PDLIM5: variants seen among roughly 807,000 people sequenced by gnomAD.
The protein encoded by PDLIM5 is PDZ and LIM domain 5.
In PDLIM5, 34 loss-of-function variants were observed where a neutral mutation model predicts 64.2. The ratio of observed to expected loss-of-function variants is 0.53; its 90% CI spans 0.40 to 0.71. The LOEUF is 0.71. Ranked by LOEUF, PDLIM5 falls within the 30% of genes least tolerant of loss-of-function variation. The probability of loss-of-function intolerance (pLI) is 0.00; values close to 1 mark genes in which losing one functional copy is unlikely to be tolerated. For synonymous variants in PDLIM5, 253 were observed against 269.1 expected (o/e 0.94, Z 0.59); for missense variants, 683 against 733.6 (o/e 0.93, Z 0.80).
At chr4:94,523,592 T>G in intron 2 of PDLIM5, 132 bp from the exon 3 acceptor site, 1 of 526,862 alleles carries the variant, frequency 1.9e-6, no homozygotes, top group Non-Finnish European at 3.3e-6. Context: ...CTGTACATGT[T>G]AAACAAGACA....
At chr4:94,609,931 T>C (rs1405165907) in intron 7 of PDLIM5, among the ~76,000 whole-genome samples, 2 of 152,188 alleles carry the variant, frequency 1.3e-5, no homozygotes, top group African/African-American at 4.8e-5. Flanking sequence ...TTGAAGAGTA[T>C]TCGTATGTCC....
chr4:94,550,953 GA>G (rs1442197439), intron 3 of PDLIM5, among the ~76,000 whole-genome samples: 1 of 151,850 alleles, frequency 6.6e-6, no homozygotes, highest in African/African-American at 2.4e-5. Flanking sequence ...AAGAGAATAG[GA>G]AAAATGCTAA....
At position 94,546,922 on chromosome 4, in the gene PDLIM5, T is replaced by TG. The variant is rs572864100; in HGVS notation, c.248+23048dup. Reference sequence around the variant, plus strand: ...ATTTTGTGGTTATATTAATTAACATTGTAACATCTAGGTTTTACACTTAAC... The same window carrying TG: ...ATTTTGTGGTTATATTAATTAACATTGGTAACATCTAGGTTTTACACTTAAC... On this transcript the variant is annotated intron_variant, in intron 3 of 12. Transcript: ENST00000317968. Among the ~76,000 whole-genome samples the TG allele has an allele frequency of 3.0e-3, 452 of 152,152 alleles. 2 individuals are homozygous for TG. Among genetic ancestry groups the TG allele is most frequent in the South Asian group, 0.011 (54 of 4,826 alleles).
rs142354942 is a variant in PDLIM5 at position 94,640,606 on chromosome 4, T to C, written c.1283+156T>C. Among the ~76,000 whole-genome samples the C allele has an allele frequency of 5.4e-3, 814 of 152,040 alleles. 7 individuals are homozygous for C. Among genetic ancestry groups the C allele is most frequent in the African/African-American group, 0.018 (767 of 41,460 alleles). On this transcript the variant is annotated intron_variant, in intron 9 of 12. Transcript: ENST00000317968. ...ATTATTGAGTAAATACGAATATCTA[T>C]CTATGAGAATCTATTTTAATGAAAG...
chr4:94,556,230 T>C (rs1434149978), intron 3 of PDLIM5, among the ~76,000 whole-genome samples: 2 of 152,160 alleles, frequency 1.3e-5, no homozygotes, highest in African/African-American at 2.4e-5. Flanking sequence ...ACAAAGGACA[T>C]GAGCTCATCC....
chr4:94,646,358 G>A (rs1484524464), intron 9 of PDLIM5, among the ~76,000 whole-genome samples: 1 of 152,202 alleles, frequency 6.6e-6, no homozygotes, highest in Non-Finnish European at 1.5e-5. Context: ...GGAAGACCAT[G>A]TGAAGACACA....
At chr4:94,543,187 T>C (rs1453457091) in intron 3 of PDLIM5, among the ~76,000 whole-genome samples, 2 of 152,208 alleles carry the variant, frequency 1.3e-5, no homozygotes, top group Non-Finnish European at 2.9e-5. Context: ...TCTCTCCCAG[T>C]TCTGGAGGCA....
intron 1 of PDLIM5, among the ~76,000 whole-genome samples, chr4:94,455,010 TAC>T (rs1281826604): frequency 7.9e-5 from 12 of 152,228 alleles, no homozygotes; most frequent in African/African-American, 2.7e-4. Flanking sequence ...TTGTGAAACA[TAC>T]TAAGTGTCTA....
Position 94,529,763 on chromosome 4 carries a change from CAT to C in PDLIM5, c.248+5891_248+5892del, listed in dbSNP as rs1730693082. Among the ~76,000 whole-genome samples, 5 of 152,134 alleles carry C rather than the reference CAT, an allele frequency of 3.3e-5. No individual in the cohort carries two copies. The South Asian group carries it at 1.0e-3, about 32-fold the overall frequency. On this transcript the variant is annotated intron_variant, in intron 3 of 12. Coordinates refer to ENST00000317968, the MANE Select transcript of PDLIM5 (RefSeq NM_006457.5). ...TTATCGTTGAAAAAATTGGAAAAAACATATTTTTTTCCTGGCCGTGAAACTAA... is the reference window on the plus strand; with the variant it reads ...TTATCGTTGAAAAAATTGGAAAAAACATTTTTTTCCTGGCCGTGAAACTAA...
Position 94,541,776 on chromosome 4 carries a change from G to A in PDLIM5, c.248+17901G>A, listed in dbSNP as rs187376110. ...GAGGACACAGCTTCTGTCATCCAGC[G>A]CCTCCCCTGGGAGTCTCTTTACTGA... On this transcript the variant is annotated intron_variant, in intron 3 of 12. Transcript: ENST00000317968. Among the ~76,000 whole-genome samples, 256 of 152,264 alleles carry A rather than the reference G, an allele frequency of 1.7e-3. 1 individual carries two copies. Among genetic ancestry groups the A allele is most frequent in the African/African-American group, 6.0e-3 (249 of 41,548 alleles).
chr4:94,658,596 G>T (rs1345114452), intron 11 of PDLIM5, among the ~76,000 whole-genome samples: 1 of 152,188 alleles, frequency 6.6e-6, no homozygotes, highest in African/African-American at 2.4e-5. Flanking sequence ...ATAGAAGGAG[G>T]TATTCCAAAA....
At chr4:94,536,830 T>C (rs923052977) in intron 3 of PDLIM5, among the ~76,000 whole-genome samples, 1 of 152,234 alleles carries the variant, frequency 6.6e-6, no homozygotes, top group Non-Finnish European at 1.5e-5. Flanking sequence ...CATTCCCAAC[T>C]GTTTTCCAGT....
chr4:94,562,248 T>C (rs1733912001), intron 3 of PDLIM5, among the ~76,000 whole-genome samples: 1 of 152,158 alleles, frequency 6.6e-6, no homozygotes, highest in African/African-American at 2.4e-5. Context: ...AACTGAGGCT[T>C]ATATATTCAG....
At chr4:94,524,108 G>A (rs969412424) in intron 3 of PDLIM5, among the ~76,000 whole-genome samples, 2 of 152,044 alleles carry the variant, frequency 1.3e-5, no homozygotes, top group Admixed American at 6.6e-5. Flanking sequence ...AATTGTGTGG[G>A]CCTGTAATCC....
chr4:94,578,921 CAGG>C (rs1488797602), intron 5 of PDLIM5, among the ~76,000 whole-genome samples: 1 of 151,802 alleles, frequency 6.6e-6, no homozygotes, highest in Non-Finnish European at 1.5e-5. Flanking sequence ...CTGAAAGCAC[CAGG>C]AGGACTATTA....
chr4:94,486,980 G>T (rs1726399217), intron 2 of PDLIM5, among the ~76,000 whole-genome samples: 1 of 152,080 alleles, frequency 6.6e-6, no homozygotes, highest in Admixed American at 6.6e-5. Flanking sequence ...TCCAGCCTGG[G>T]CAACAGAGTA....
At chr4:94,586,957 CTTTTTT>C (rs70946535) in intron 7 of PDLIM5, 206 of 1,193,988 alleles carry the variant, frequency 1.7e-4, no homozygotes, top group Admixed American at 3.5e-4. Context: ...TTCTATCACT[CTTTTTT>C]TTTTTTTTTT....
At chr4:94,567,113 C>T (rs937070866) in intron 3 of PDLIM5, among the ~76,000 whole-genome samples, 2 of 152,334 alleles carry the variant, frequency 1.3e-5, no homozygotes, top group East Asian at 1.9e-4. Context: ...CTGCTTCAGC[C>T]TCCCGAGTAG....
intron 7 of PDLIM5, among the ~76,000 whole-genome samples, chr4:94,595,406 T>C (rs770525687): frequency 2.6e-5 from 4 of 152,228 alleles, no homozygotes; most frequent in Non-Finnish European, 4.4e-5. Flanking sequence ...AAAACAGTTA[T>C]GTTGAGCCGG....
Sources: gnomAD v4.1 joint callset for allele counts (sites outside exome capture counted in the v4.1 genomes callset) on GRCh38, gnomAD v4.1.1 for gene constraint, MANE v1.5 for transcripts, NCBI Gene and HGNC (gene_info 2026-07-23, HGNC 2026-07-21) for gene names.